GPC5: variants seen among roughly 807,000 people sequenced by gnomAD.
The protein encoded by GPC5 is glypican 5.
In GPC5, 47 loss-of-function variants were observed where a neutral mutation model predicts 53.9. The observed-to-expected ratio is 0.87, with a 90% CI of 0.69 to 1.11. The LOEUF is 1.11. Among genes scored for constraint, GPC5 ranks in the 50% most tolerant of loss-of-function variants. GPC5 has a pLI of 0.00. For missense variants in GPC5, 748 were observed against 713.1 expected, an observed-to-expected ratio of 1.05 and a Z score of -0.56; for synonymous variants, 286 against 263.3, an observed-to-expected ratio of 1.09 and a Z score of -0.84.
intron 7 of GPC5, among the ~76,000 whole-genome samples, chr13:92,269,577 C>T (rs563080768): frequency 2.6e-4 from 39 of 151,924 alleles, no homozygotes; most frequent in Admixed American, 2.2e-3. Flanking sequence ...GGCTAAGTTT[C>T]TTGTATTTTT....
intron 6 of GPC5, among the ~76,000 whole-genome samples, chr13:92,022,205 T>G (rs959436188): frequency 2.0e-5 from 3 of 152,156 alleles, no homozygotes; most frequent in Non-Finnish European, 4.4e-5. Context: ...TTTGCCATGT[T>G]GGCCAGGCTG....
At chr13:92,242,595 A>T (rs553210155) in intron 7 of GPC5, among the ~76,000 whole-genome samples, 163 of 152,154 alleles carry the variant, frequency 1.1e-3, no homozygotes, top group African/African-American at 3.7e-3. Context: ...TAAAAAAATT[A>T]AAAAATATAT....
intron 2 of GPC5, among the ~76,000 whole-genome samples, chr13:91,614,513 G>T (rs2033643383): frequency 6.6e-6 from 1 of 152,026 alleles, no homozygotes; most frequent in South Asian, 2.1e-4. Context: ...TAAATTTCTT[G>T]TAGAGACAGG....
rs571954729 is a variant in GPC5, at chr13:92,316,677, T to C, written c.1561+171688T>C. Among the ~76,000 whole-genome samples the C allele has an allele frequency of 2.5e-3, 384 of 152,244 alleles. 1 individual carries two copies. Among genetic ancestry groups the C allele is most frequent in the Non-Finnish European group, 4.3e-3 (294 of 67,986 alleles). On this transcript the variant is annotated intron_variant, in intron 7 of 7. Coordinates refer to ENST00000377067, the MANE Select transcript of GPC5 (RefSeq NM_004466.6). Reference sequence around the variant, plus strand: ...GAATTAAACAAAATTATATTCTTTCTAAGAATTTCATTGCATTTAATAAAG... The same window carrying C: ...GAATTAAACAAAATTATATTCTTTCCAAGAATTTCATTGCATTTAATAAAG...
chr13:92,434,829 C>T (rs561756414), intron 7 of GPC5, among the ~76,000 whole-genome samples: 162 of 152,200 alleles, frequency 1.1e-3, no homozygotes, highest in Non-Finnish European at 2.2e-3. Flanking sequence ...AGGAACCTAT[C>T]GTATTATCTT....
At chr13:92,217,349 C>T (rs557051460) in intron 7 of GPC5, among the ~76,000 whole-genome samples, 1 of 152,264 alleles carries the variant, frequency 6.6e-6, no homozygotes, top group South Asian at 2.1e-4. Context: ...AAGAACCCTG[C>T]TAAGTCAGTT....
At chr13:91,979,216 T>C (rs1283982819) in intron 6 of GPC5, among the ~76,000 whole-genome samples, 1 of 151,628 alleles carries the variant, frequency 6.6e-6, no homozygotes, top group Non-Finnish European at 1.5e-5. Flanking sequence ...AAAAAGCCCA[T>C]AGTGATTTTT....
At chr13:92,708,737 G>T (rs192396007) in intron 7 of GPC5, among the ~76,000 whole-genome samples, 9 of 151,466 alleles carry the variant, frequency 5.9e-5, no homozygotes, top group Non-Finnish European at 1.3e-4. Flanking sequence ...GATGTTATTA[G>T]AGAAAGGTCA....
At chr13:91,455,711 G>A (rs1881493630) in intron 2 of GPC5, among the ~76,000 whole-genome samples, 1 of 151,998 alleles carries the variant, frequency 6.6e-6, no homozygotes, top group Non-Finnish European at 1.5e-5. Flanking sequence ...CACATCCCAA[G>A]GCTTGCAGTC....
chr13:91,977,397 G>A (rs1471726819), intron 6 of GPC5, among the ~76,000 whole-genome samples: 2 of 152,252 alleles, frequency 1.3e-5, no homozygotes, highest in East Asian at 3.9e-4. Flanking sequence ...TTATAATTAA[G>A]CAATTGAAGA....
At chr13:92,570,378 G>T (rs1449702195) in intron 7 of GPC5, among the ~76,000 whole-genome samples, 2 of 151,976 alleles carry the variant, frequency 1.3e-5, no homozygotes, top group Admixed American at 1.3e-4. Flanking sequence ...AATTGATCAA[G>T]TCAATTATGA....
rs191941253 is a variant in GPC5 at position 91,859,988 on chromosome 13, G to A, written c.1281-47949G>A. 2.2e-3 allele frequency among the ~76,000 whole-genome samples: 337 copies of A among 152,030 alleles called. 2 individuals are homozygous for A. Among genetic ancestry groups the A allele is most frequent in the African/African-American group, 6.8e-3 (284 of 41,486 alleles). ...ACATAGTGATGTTTCAATACACATA[G>A]TGTATATATGTAATTACCCTGATGA... On this transcript the variant is annotated intron_variant, in intron 5 of 7. Coordinates refer to ENST00000377067, the MANE Select transcript of GPC5 (RefSeq NM_004466.6).
chr13:92,577,454 A>G lies in GPC5; in HGVS notation c.1562-288828A>G, dbSNP rs564706133. Among the ~76,000 whole-genome samples the G allele has an allele frequency of 7.6e-5, 7 of 91,908 alleles. No homozygotes were observed. The East Asian group carries it at 1.7e-3, about 22-fold the overall frequency. 60.3% of individuals were successfully genotyped at this position (91,908 alleles called of 152,430 possible). A position where few individuals can be genotyped will look rare whatever the true frequency, so the allele number is the denominator to read the frequency against. On this transcript the variant is annotated intron_variant, in intron 7 of 7. Coordinates refer to ENST00000377067, the MANE Select transcript of GPC5 (RefSeq NM_004466.6). ...TGTGTGTGTGTGTGTGTGTGTGTCA[A>G]TGACCTTGAAAGTCTGGTATTATTA... is the stretch of plus-strand genomic sequence containing the variant.
chr13:92,864,533 G>A (rs1879281805), intron 7 of GPC5, among the ~76,000 whole-genome samples: 2 of 151,684 alleles, frequency 1.3e-5, no homozygotes, highest in Non-Finnish European at 2.9e-5. Flanking sequence ...AGTAAATCCT[G>A]TAATGCTCAA....
chr13:92,631,505 G>T (rs1167383325), intron 7 of GPC5, among the ~76,000 whole-genome samples: 2 of 152,138 alleles, frequency 1.3e-5, no homozygotes, highest in East Asian at 1.9e-4. Flanking sequence ...AAATATTTTG[G>T]CCATATGGAA....
intron 7 of GPC5, among the ~76,000 whole-genome samples, chr13:92,268,634 C>T (rs2042818893): frequency 6.6e-6 from 1 of 151,346 alleles, no homozygotes; most frequent in African/African-American, 2.4e-5. Context: ...ATCTTTATTC[C>T]TGCTAGAACT....
chr13:92,241,976 T>C (rs1240341273), intron 7 of GPC5: 1 of 152,192 alleles, frequency 6.6e-6, no homozygotes, highest in Admixed American at 6.5e-5. Context: ...CTCATGCCTG[T>C]AATCTTAGCA....
intron 2 of GPC5, among the ~76,000 whole-genome samples, chr13:91,644,203 C>A (rs990075204): frequency 6.6e-6 from 1 of 151,926 alleles, no homozygotes; most frequent in African/African-American, 2.4e-5. Flanking sequence ...ACTAATTGAG[C>A]CTTGGGTATA....
intron 7 of GPC5, among the ~76,000 whole-genome samples, chr13:92,458,554 C>T (rs923703328): frequency 1.3e-5 from 2 of 151,886 alleles, no homozygotes; most frequent in African/African-American, 2.4e-5. Flanking sequence ...TGCTTTGGCC[C>T]CCCAAAGTGC....
Sources: gnomAD v4.1 joint callset for allele counts (sites outside exome capture counted in the v4.1 genomes callset) on GRCh38, gnomAD v4.1.1 for gene constraint, MANE v1.5 for transcripts, NCBI Gene and HGNC (gene_info 2026-07-23, HGNC 2026-07-21) for gene names.